The following NCAPD3 variants were observed in gnomAD, a reference collection of about 807,000 sequenced individuals.
The protein encoded by NCAPD3 is condensin-2 complex subunit D3.
NCAPD3 carries 105 observed loss-of-function variants against 182.9 expected under a neutral mutation model. The ratio of observed to expected loss-of-function variants is 0.57; its 90% CI spans 0.49 to 0.68. NCAPD3 has a LOEUF of 0.68. Among genes scored for constraint, NCAPD3 ranks in the 30% least tolerant of loss-of-function variants. The pLI is 0.00. For missense variants in NCAPD3, 1,944 were observed against 1,837.0 expected, an observed-to-expected ratio of 1.06 and a Z score of -1.07; for synonymous variants, 815 against 679.9, an observed-to-expected ratio of 1.20 and a Z score of -3.09.
chr11:134,159,011 T>C (rs1943506915), intron 29 of NCAPD3, among the ~76,000 whole-genome samples: 1 of 152,244 alleles, frequency 6.6e-6, no homozygotes, highest in South Asian at 2.1e-4. Flanking sequence ...ATTTCACTTT[T>C]TATAGATGAA....
intron 20 of NCAPD3, 84 bp from the exon 21 acceptor site, chr11:134,179,020 T>C: frequency 1.2e-6 from 1 of 862,608 alleles, no homozygotes. Flanking sequence ...CAATGGAGTA[T>C]TTCCTTTATC....
chr11:134,171,295 T>A (rs577001720), intron 24 of NCAPD3, among the ~76,000 whole-genome samples: 2 of 152,202 alleles, frequency 1.3e-5, no homozygotes, highest in African/African-American at 4.8e-5. Flanking sequence ...GATTACCTTA[T>A]TACAGCCTTG....
At chr11:134,175,314 A>T (rs1271233011) in intron 24 of NCAPD3, among the ~76,000 whole-genome samples, 1 of 152,226 alleles carries the variant, frequency 6.6e-6, no homozygotes, top group Admixed American at 6.5e-5. Flanking sequence ...CTGCGTAAAA[A>T]GTCCTGAGAG....
At chr11:134,174,055 C>A (rs149891979) in intron 24 of NCAPD3, among the ~76,000 whole-genome samples, 1 of 151,964 alleles carries the variant, frequency 6.6e-6, no homozygotes, top group African/African-American at 2.4e-5. Context: ...TAGGCTCTGC[C>A]ACCATAGTCT....
At chr11:134,220,765 A>G (rs1938199814) in intron 1 of NCAPD3, 39 bp from the exon 2 acceptor site, 1 of 1,570,580 alleles carries the variant, frequency 6.4e-7, no homozygotes, top group South Asian at 1.2e-5. Flanking sequence ...GTACTCTGTA[A>G]CAAGTAAAAA....
chr11:134,198,271 C>T (rs1186838302), intron 13 of NCAPD3, among the ~76,000 whole-genome samples: 2 of 152,174 alleles, frequency 1.3e-5, no homozygotes, highest in Non-Finnish European at 2.9e-5. Flanking sequence ...CTTTAGTCTC[C>T]ACCACCCTTT....
At chr11:134,221,502 C>A (rs1938226589) in intron 1 of NCAPD3, among the ~76,000 whole-genome samples, 2 of 151,990 alleles carry the variant, frequency 1.3e-5, no homozygotes, top group African/African-American at 4.8e-5. Flanking sequence ...TTAGGTATTT[C>A]TCCTAATGGT....
intron 24 of NCAPD3, among the ~76,000 whole-genome samples, chr11:134,171,104 G>C (rs1351969135): frequency 2.0e-5 from 3 of 152,162 alleles, no homozygotes; most frequent in South Asian, 2.1e-4. Flanking sequence ...AAACCTCCAG[G>C]ATTCTCAAGA....
chr11:134,171,612 T>C (rs1944007643), intron 24 of NCAPD3, among the ~76,000 whole-genome samples: 1 of 152,102 alleles, frequency 6.6e-6, no homozygotes, highest in African/African-American at 2.4e-5. Flanking sequence ...CTTGAAGCAG[T>C]ATTTCCTACA....
Position 134,191,639 on chromosome 11 carries a change from G to A in NCAPD3, c.2045+1050C>T, listed in dbSNP as rs528759081. Among the ~76,000 whole-genome samples the A allele has an allele frequency of 2.0e-5, 3 of 152,290 alleles. No homozygotes were observed. In the South Asian group the frequency reaches 6.2e-4, roughly 32 times the overall value. ...TAACATGAATTAATACATAGAGCAT[G>A]CATAAGGAGGTATCTCTAAGAAAAG... On this transcript the variant is annotated intron_variant, in intron 16 of 34. Transcript: ENST00000534548.
intron 32 of NCAPD3, 22 bp from the exon 33 acceptor site, chr11:134,153,385 C>A (rs547913099): frequency 1.2e-6 from 2 of 1,613,128 alleles, no homozygotes; most frequent in African/African-American, 2.7e-5. Flanking sequence ...GGAGACACCA[C>A]TGAGTGAAAG....
At position 134,220,579 on chromosome 11, in the gene NCAPD3, G is replaced by A. The variant is rs760924461; in HGVS notation, c.212C>T (p.Ser71Phe). 1.1e-5 allele frequency: 17 copies of A among 1,612,006 alleles called. No individual in the cohort carries two copies. The South Asian group carries it at 1.9e-4, about 18-fold the overall frequency. Residue 71 changes from serine (S) to phenylalanine (F), a missense_variant, in exon 2 of 35, where the codon TCT (serine) becomes TTT (phenylalanine). By Grantham distance (155) the Ser-to-Phe change is radical. Transcript: ENST00000534548. ...TTGTTTTTATATTTTTACCTCCATA[G>A]ATCCATGTTCTCCAGTAGCAAAGGG... ...LLPFATGEHG[S>F]MESIWTFFIE...
chr11:134,192,968 T>A (rs1345544419), intron 15 of NCAPD3, 59 bp from the exon 16 acceptor site: 1 of 993,826 alleles, frequency 1.0e-6, no homozygotes, highest in Non-Finnish European at 1.6e-6. Context: ...GAAGTTGTGA[T>A]CAACATTTTG....
intron 3 of NCAPD3, among the ~76,000 whole-genome samples, chr11:134,214,774 C>T (rs1004072030): frequency 4.6e-5 from 7 of 152,166 alleles, no homozygotes; most frequent in Non-Finnish European, 1.0e-4. Context: ...GCCCAGATGA[C>T]TTCACTAGTG....
chr11:134,168,990 A>C lies in NCAPD3; in HGVS notation c.3166T>G (p.Phe1056Val), dbSNP rs1243390138. The change falls in exon 25 of 35, where the codon TTC (phenylalanine) becomes GTC (valine). Residue 1056 changes from phenylalanine (F) to valine (V), a missense_variant. By Grantham distance (50) the Phe-to-Val change is conservative (BLOSUM62 -1). This residue lies in a region of NCAPD3 where 1,803 missense variants were observed against 1,674.6 expected (regional missense o/e 1.08). Transcript: ENST00000534548. ...TTAAAGTGAAAAATACATTCAATGA[A>C]GTGTTGGAAGAACATGACAGGGTTC... ...KRNPVMFFQH[F>V]IECIFHFNNY... is the part of the protein sequence containing the mutation. 6.2e-7 allele frequency: 1 copy of C among 1,614,008 alleles called. No individual in the cohort carries two copies. The highest frequency in any genetic ancestry group is 1.7e-5 in the Admixed American group (1 of 60,022).
intron 24 of NCAPD3, among the ~76,000 whole-genome samples, chr11:134,171,769 A>T (rs1267963442): frequency 1.3e-5 from 2 of 151,748 alleles, no homozygotes; most frequent in Non-Finnish European, 2.9e-5. Context: ...TCCACAGCCA[A>T]CTCTCAGGGC....
In NCAPD3 at chr11:134,178,562, T is replaced by C. The variant is rs148977146; in HGVS notation, c.2782+72A>G. 8.8e-4 allele frequency: 1,059 copies of C among 1,206,064 alleles called. 5 individuals carry two copies. The African/African-American group carries it at 0.015, about 17-fold the overall frequency. The allele number at this position is 1,206,064 out of a possible 1,614,324, so 74.7% of individuals were successfully genotyped here. A position where few individuals can be genotyped will look rare whatever the true frequency, so the allele number is the denominator to read the frequency against. The stretch of plus-strand genomic sequence containing the variant: ...CTCCGCAGCCCCTGACACAGTCCCA[T>C]GGCTGGGCTTACTTAAGACAACAGC... On this transcript the variant is annotated intron_variant, in intron 22 of 34. Transcript: ENST00000534548.
chr11:134,223,726 C>G, intron 1 of NCAPD3, 137 bp downstream of exon 1: 1 of 1,053,818 alleles, frequency 9.5e-7, no homozygotes, highest in Non-Finnish European at 1.4e-6. Flanking sequence ...TGGCACGGCC[C>G]TGGGGACCCC....
At chr11:134,186,978 T>C (rs1013678509) in intron 16 of NCAPD3, among the ~76,000 whole-genome samples, 8 of 152,130 alleles carry the variant, frequency 5.3e-5, no homozygotes, top group African/African-American at 1.4e-4. Flanking sequence ...CGATATAAAA[T>C]ATTAAGTAAT....
Sources: allele counts gnomAD v4.1 joint callset (sites outside exome capture counted in the v4.1 genomes callset), GRCh38; gene constraint gnomAD v4.1.1; regional missense constraint gnomAD v4.1.1; transcripts MANE v1.5; gene names NCBI Gene and HGNC (gene_info 2026-07-23, HGNC 2026-07-21).